Variants in TRPC4 observed in about 807,000 individuals in gnomAD.
TRPC4 encodes the protein transient receptor potential cation channel subfamily C member 4.
In TRPC4, 49 loss-of-function variants were observed where a neutral mutation model predicts 99.4. The observed-to-expected ratio is 0.49, with a 90% CI of 0.39 to 0.63. The LOEUF (loss-of-function observed/expected upper bound fraction) is 0.63. TRPC4 is among the 20% of genes least tolerant of loss of function. TRPC4 has a pLI of 0.00. For missense variants in TRPC4, 898 were observed against 1,152.9 expected (o/e 0.78, Z 3.20); for synonymous variants, 454 against 425.9 (o/e 1.07, Z -0.81).
chr13:37,841,852 A>G (rs1958738109), intron 1 of TRPC4, among the ~76,000 whole-genome samples: 1 of 152,212 alleles, frequency 6.6e-6, no homozygotes, highest in Non-Finnish European at 1.5e-5. Flanking sequence ...GAAGCATGCC[A>G]CTATCATGTG....
chr13:37,825,277 G>T (rs201704916), intron 1 of TRPC4, among the ~76,000 whole-genome samples: 18 of 150,944 alleles, frequency 1.2e-4, no homozygotes, highest in South Asian at 4.2e-4. Context: ...TTTCCTTCAG[G>T]TCTGCTCTGA....
intron 7 of TRPC4, among the ~76,000 whole-genome samples, chr13:37,652,960 C>A (rs1327899744): frequency 6.6e-6 from 1 of 151,978 alleles, no homozygotes; most frequent in African/African-American, 2.4e-5. Context: ...TGACTAGATC[C>A]ACCTTCCACT....
chr13:37,775,133 A>G (rs1956662310), intron 2 of TRPC4, among the ~76,000 whole-genome samples: 1 of 151,760 alleles, frequency 6.6e-6, no homozygotes, highest in Admixed American at 6.6e-5. Context: ...TCTTATTTTA[A>G]TGTAAACTCA....
chr13:37,769,249 A>G (rs1263534955), intron 2 of TRPC4, among the ~76,000 whole-genome samples: 2 of 151,580 alleles, frequency 1.3e-5, no homozygotes, highest in African/African-American at 4.8e-5. Context: ...AAAGCCTCAA[A>G]TATTCACCAG....
chr13:37,696,141 C>T (rs528854125), intron 3 of TRPC4, among the ~76,000 whole-genome samples: 31 of 152,200 alleles, frequency 2.0e-4, no homozygotes, highest in Non-Finnish European at 2.6e-4. Context: ...AAAAGAAGAG[C>T]GCTTGTGCAG....
At chr13:37,837,180 C>A (rs1958589016) in intron 1 of TRPC4, among the ~76,000 whole-genome samples, 1 of 152,224 alleles carries the variant, frequency 6.6e-6, no homozygotes, top group African/African-American at 2.4e-5. Context: ...GTTACAGGGG[C>A]AGGGCCCTCA....
At chr13:37,823,878 A>C (rs1958109843) in intron 1 of TRPC4, among the ~76,000 whole-genome samples, 1 of 150,428 alleles carries the variant, frequency 6.6e-6, no homozygotes, top group Non-Finnish European at 1.5e-5. Flanking sequence ...GGCCATTTTC[A>C]TGATATTGAT....
rs1420084636 is a variant in TRPC4, at chr13:37,746,392, A to G, written c.442T>C (p.Leu148=). The G allele has an allele frequency of 1.9e-6, 3 of 1,613,720 alleles. No individual in the cohort carries two copies. The highest frequency in any genetic ancestry group is 2.5e-6 in the Non-Finnish European group (3 of 1,179,760). ...TCATAATTATTTGTATGGGCTGCCA[A>G]AATGATTGGTGTAATGTCTGGAGTG... ...EFTPDITPII[L]AAHTNNYEII... Residue 148 remains leucine, a synonymous_variant, in exon 3 of 11, where the codon TTG becomes CTG. Transcript: ENST00000379705.
At chr13:37,794,261 T>C (rs1251180610) in intron 1 of TRPC4, among the ~76,000 whole-genome samples, 2 of 152,084 alleles carry the variant, frequency 1.3e-5, no homozygotes, top group African/African-American at 2.4e-5. Flanking sequence ...AAAATAAACA[T>C]TCATCACAAA....
At chr13:37,792,387 T>C (rs866571161) in intron 1 of TRPC4, among the ~76,000 whole-genome samples, 1 of 152,088 alleles carries the variant, frequency 6.6e-6, no homozygotes, top group African/African-American at 2.4e-5. Flanking sequence ...ATTAGAAGGT[T>C]TTTAGGAATA....
intron 2 of TRPC4, among the ~76,000 whole-genome samples, chr13:37,774,700 T>C (rs773357053): frequency 2.0e-5 from 3 of 151,680 alleles, no homozygotes; most frequent in Admixed American, 6.6e-5. Flanking sequence ...TTCTACTCTA[T>C]GAGAAAAAGA....
At chr13:37,679,273 C>T (rs949937196) in intron 4 of TRPC4, among the ~76,000 whole-genome samples, 1 of 152,044 alleles carries the variant, frequency 6.6e-6, no homozygotes, top group Middle Eastern at 3.2e-3. Context: ...TGCGTTTTAA[C>T]ATTTTATATC....
intron 2 of TRPC4, among the ~76,000 whole-genome samples, chr13:37,770,699 G>C (rs57460722): frequency 2.0e-5 from 3 of 151,388 alleles, no homozygotes; most frequent in African/African-American, 4.8e-5. Flanking sequence ...ATATGAATTA[G>C]CAACATTTAA....
intron 3 of TRPC4, among the ~76,000 whole-genome samples, chr13:37,696,412 CAAAT>C (rs989311128): frequency 3.7e-4 from 56 of 152,234 alleles, no homozygotes; most frequent in African/African-American, 1.3e-3. Context: ...ATATATAAAA[CAAAT>C]AAATCAAAAA....
intron 1 of TRPC4, among the ~76,000 whole-genome samples, chr13:37,835,707 C>A (rs1305672539): frequency 2.6e-5 from 4 of 152,128 alleles, no homozygotes; most frequent in Non-Finnish European, 5.9e-5. Flanking sequence ...TGTTTTGTAT[C>A]CTAGCTATTC....
intron 3 of TRPC4, among the ~76,000 whole-genome samples, chr13:37,745,462 A>ATATATATATATGCGTG (rs1180036542): frequency 6.9e-4 from 3 of 4,332 alleles, no homozygotes; most frequent in Non-Finnish European, 1.6e-3. Flanking sequence ...ATATATATAT[A>ATATATATATATGCGTG]TATATATATA....
intron 1 of TRPC4, among the ~76,000 whole-genome samples, chr13:37,819,615 A>G (rs1056933703): frequency 6.6e-6 from 1 of 151,998 alleles, no homozygotes; most frequent in Non-Finnish European, 1.5e-5. Flanking sequence ...GTGGGAGCCA[A>G]ATGATAAGAA....
At chr13:37,644,924 C>CT (rs373307166) in intron 8 of TRPC4, among the ~76,000 whole-genome samples, 2,190 of 140,574 alleles carry the variant, frequency 0.016, 29 homozygotes, top group Middle Eastern at 0.043. Context: ...CATTTTGCAG[C>CT]TTTTTTTTTT....
chr13:37,820,626 G>A (rs1957984679), intron 1 of TRPC4, among the ~76,000 whole-genome samples: 1 of 152,034 alleles, frequency 6.6e-6, no homozygotes, highest in South Asian at 2.1e-4. Context: ...TGCAAGATTG[G>A]TTCAACATGC....
Sources: gnomAD v4.1 joint callset for allele counts (sites outside exome capture counted in the v4.1 genomes callset) on GRCh38, gnomAD v4.1.1 for gene constraint, MANE v1.5 for transcripts, NCBI Gene and HGNC (gene_info 2026-07-23, HGNC 2026-07-21) for gene names.